The following ZNF471 variants were observed in gnomAD, a reference collection of about 807,000 sequenced individuals.
The protein encoded by ZNF471 is EZFIT-related protein 1.
Under a neutral mutation model 13.7 loss-of-function variants are expected in ZNF471, and 7 were observed. That is an observed-to-expected ratio of 0.51 (90% CI 0.29 to 0.96). The LOEUF (loss-of-function observed/expected upper bound fraction) is 0.96, where lower values mean the gene tolerates loss of function less well. ZNF471 is among the 40% of genes least tolerant of loss of function. The pLI, the probability that ZNF471 is intolerant of heterozygous loss-of-function variation, is 0.08. For missense variants in ZNF471, 663 were observed against 743.3 expected (o/e 0.89, Z 1.26); for synonymous variants, 218 against 235.6 (o/e 0.93, Z 0.68).
Position 56,525,303 on chromosome 19 carries a change from C to G in ZNF471, c.1236C>G (p.Phe412Leu). The stretch of plus-strand genomic sequence containing the variant: ...AATGTGGTGTGTGTGGAAAAACCTT[C>G]AGCTCGGGTTCATCCCGTACTGTAC... ...PYKCGVCGKT[F>L]SSGSSRTVHQ... Residue 412 changes from phenylalanine (F) to leucine (L), a missense_variant, in exon 5 of 5, where the codon TTC becomes TTG. Phe to Leu is a conservative substitution (Grantham distance 22). Transcript: ENST00000308031. 15 of 1,611,810 alleles carry G rather than the reference C, an allele frequency of 9.3e-6. No homozygotes were observed. The highest frequency in any genetic ancestry group is 1.1e-5 in the Non-Finnish European group (13 of 1,178,486).
rs559951060 is a variant in ZNF471, at chr19:56,525,698, A to C, written c.1631A>C (p.Glu544Ala). The C allele has an allele frequency of 1.4e-4, 226 of 1,613,860 alleles. No homozygotes were observed. The highest frequency in any genetic ancestry group is 1.8e-4 in the Non-Finnish European group (210 of 1,179,878). The change falls in exon 5 of 5, where the codon GAG (glutamate) becomes GCG (alanine). Residue 544 changes from glutamate (E) to alanine (A), a missense_variant. Transcript: ENST00000308031. ...QKTHTGEKPY[E>A]CNECGKAFSQ... is the part of the protein sequence containing the mutation. ...ACTCATACAGGAGAGAAACCTTATG[A>C]GTGTAATGAATGCGGGAAAGCCTTC...
In ZNF471 at chr19:56,526,198, G is replaced by C. The variant is rs1232649391; in HGVS notation, c.*250G>C. 2 of 407,362 alleles carry C rather than the reference G, an allele frequency of 4.9e-6. No individual in the cohort carries two copies. Among genetic ancestry groups the C allele is most frequent in the African/African-American group, 4.0e-5 (2 of 49,674 alleles). 25.2% of individuals were successfully genotyped at this position (407,362 alleles called of 1,614,324 possible). A position where few individuals can be genotyped will look rare whatever the true frequency, so the allele number is the denominator to read the frequency against. ...TCTCATTGGGACTGGTTAGACAGTG[G>C]GTGCAGCCCACGGAGGGTGAGCTGA... On this transcript the variant is annotated 3_prime_UTR_variant, in exon 5 of 5. Coordinates refer to ENST00000308031, the MANE Select transcript of ZNF471 (RefSeq NM_020813.4).
rs2043985178 is a variant in ZNF471 at position 56,522,347 on chromosome 19, C to G, written c.257-1977C>G. On this transcript the variant is annotated intron_variant, in intron 4 of 4. Coordinates refer to ENST00000308031, the MANE Select transcript of ZNF471 (RefSeq NM_020813.4). This position sits in a 1 kb window ranked among gnomAD's most constrained non-coding sequence, Gnocchi z 4.1. ...CTGCTCTAGTGGATTTGATCTCTCC[C>G]ATCTCTGAACTTTTATAACAATTTA... is the stretch of plus-strand genomic sequence containing the variant. Among the ~76,000 whole-genome samples the G allele has an allele frequency of 6.6e-6, 1 of 152,208 alleles. No individual in the cohort carries two copies. The highest frequency in any genetic ancestry group is 2.1e-4 in the South Asian group (1 of 4,830).
rs1356620564 is a variant in ZNF471 at position 56,522,422 on chromosome 19, T to A, written c.257-1902T>A. Among the ~76,000 whole-genome samples, 1 of 152,248 alleles carries A rather than the reference T, an allele frequency of 6.6e-6. No individual in the cohort carries two copies. Among genetic ancestry groups the A allele is most frequent in the African/African-American group, 2.4e-5 (1 of 41,464 alleles). On this transcript the variant is annotated intron_variant, in intron 4 of 4. Coordinates refer to ENST00000308031, the MANE Select transcript of ZNF471 (RefSeq NM_020813.4). The surrounding 1 kb of genome is among the most constrained non-coding windows in gnomAD (Gnocchi z 4.1). ...TTTTGTATTATCTTCTCAAAACTTT[T>A]TTTGTTGGTCTTGTCTTCCTAAATT...
rs1405355168 is a variant in ZNF471 at position 56,529,277 on chromosome 19, A to G, written c.*3329A>G. On this transcript the variant is annotated 3_prime_UTR_variant, in exon 5 of 5. Coordinates refer to ENST00000308031, the MANE Select transcript of ZNF471 (RefSeq NM_020813.4). Reference sequence around the variant, plus strand: ...TCGATGTATCATTGGGGGAGATTAAATGTCTTTGACAGTTGTCCAACTAGA... The same window carrying G: ...TCGATGTATCATTGGGGGAGATTAAGTGTCTTTGACAGTTGTCCAACTAGA... 6.6e-6 allele frequency: 1 copy of G among 152,192 alleles called. No individual in the cohort carries two copies. The highest frequency in any genetic ancestry group is 1.5e-5 in the Non-Finnish European group (1 of 68,038). The allele number at this position is 152,192 out of a possible 1,614,324, so 9.4% of individuals were successfully genotyped here. A position where few individuals can be genotyped will look rare whatever the true frequency, so the allele number is the denominator to read the frequency against.
At chr19:56,520,462 T>C (rs1275336909) in intron 4 of ZNF471, among the ~76,000 whole-genome samples, 1 of 152,198 alleles carries the variant, frequency 6.6e-6, no homozygotes, top group Admixed American at 6.5e-5. Flanking sequence ...CTTCAGTCTG[T>C]CTACGTAGGA....
rs1350639104 is a variant in ZNF471, at chr19:56,529,721, T to G, written c.*3773T>G. The G allele has an allele frequency of 6.6e-6, 1 of 152,222 alleles. No homozygotes were observed. The highest frequency in any genetic ancestry group is 1.5e-5 in the Non-Finnish European group (1 of 68,034). The allele number at this position is 152,222 out of a possible 1,614,324, so 9.4% of individuals were successfully genotyped here. A position where few individuals can be genotyped will look rare whatever the true frequency, so the allele number is the denominator to read the frequency against. The stretch of plus-strand genomic sequence containing the variant: ...TCAACCTCACTAATGATCAGATAAG[T>G]GCAGATTGTAAAAGTCCTCATCCCC... On this transcript the variant is annotated 3_prime_UTR_variant, in exon 5 of 5. Coordinates refer to ENST00000308031, the MANE Select transcript of ZNF471 (RefSeq NM_020813.4).
At position 56,507,918 on chromosome 19, in the gene ZNF471, G is replaced by T; in HGVS notation, c.-58G>T. On this transcript the variant is annotated splice_region_variant and 5_prime_UTR_variant, in exon 1 of 5. Transcript: ENST00000308031. ...AGCGTCTGGGTGCCAGACGAGGCCG[G>T]GGGTTTGTTTTGGGTGGTTTGGGAG... The T allele has an allele frequency of 1.0e-6, 1 of 985,656 alleles. No individual in the cohort carries two copies. The highest frequency in any genetic ancestry group is 4.7e-5 in the South Asian group (1 of 21,324). The allele number at this position is 985,656 out of a possible 1,614,324, so 61.1% of individuals were successfully genotyped here. A position where few individuals can be genotyped will look rare whatever the true frequency, so the allele number is the denominator to read the frequency against.
Position 56,530,211 on chromosome 19 carries a change from A to C in ZNF471, c.*4263A>C, listed in dbSNP as rs1191098326. ...TACATAAACTTTATAAAGCTTAAAA[A>C]ATGCATTCATAGTATCTTATTTGTT... On this transcript the variant is annotated 3_prime_UTR_variant, in exon 5 of 5. Coordinates refer to ENST00000308031, the MANE Select transcript of ZNF471 (RefSeq NM_020813.4). 1 of 148,644 alleles carries C rather than the reference A, an allele frequency of 6.7e-6. No homozygotes were observed. Among genetic ancestry groups the C allele is most frequent in the African/African-American group, 2.5e-5 (1 of 40,182 alleles). 9.2% of individuals were successfully genotyped at this position (148,644 alleles called of 1,614,324 possible).
In ZNF471 at chr19:56,526,044, A is replaced by C; in HGVS notation, c.*96A>C. On this transcript the variant is annotated 3_prime_UTR_variant, in exon 5 of 5. Coordinates refer to ENST00000308031, the MANE Select transcript of ZNF471 (RefSeq NM_020813.4). ...GATAAAAAACATATAAATGTAAGAAATGTAGAAAAACCTTCAGCCAGGAGG... is the reference window on the plus strand; with the variant it reads ...GATAAAAAACATATAAATGTAAGAACTGTAGAAAAACCTTCAGCCAGGAGG... The C allele has an allele frequency of 7.5e-7, 1 of 1,331,924 alleles. No individual in the cohort carries two copies. The highest frequency in any genetic ancestry group is 1.0e-6 in the Non-Finnish European group (1 of 987,524). The allele number at this position is 1,331,924 out of a possible 1,614,324, so 82.5% of individuals were successfully genotyped here.
intron 2 of ZNF471, among the ~76,000 whole-genome samples, chr19:56,514,539 A>G (rs913246316): frequency 6.6e-6 from 1 of 152,126 alleles, no homozygotes; most frequent in Non-Finnish European, 1.5e-5. Flanking sequence ...ATACTCAGTT[A>G]TTTTGTAGAA....
intron 4 of ZNF471, among the ~76,000 whole-genome samples, chr19:56,519,692 T>A (rs1458870221): frequency 6.6e-6 from 1 of 152,258 alleles, no homozygotes; most frequent in African/African-American, 2.4e-5. Flanking sequence ...ATCCTAAATT[T>A]CCCGTGTCCT....
chr19:56,521,692 T>C (rs953531481), intron 4 of ZNF471, among the ~76,000 whole-genome samples: 1 of 147,016 alleles, frequency 6.8e-6, no homozygotes, highest in Admixed American at 6.8e-5. Context: ...AGCTCACACC[T>C]ATAATCGCAG....
chr19:56,509,945 A>G lies in ZNF471; in HGVS notation c.-55-1572A>G, dbSNP rs533438794. The G allele has an allele frequency of 1.4e-4, 141 of 985,372 alleles. 1 individual carries two copies. The African/African-American group carries it at 2.4e-3, about 17-fold the overall frequency. The allele number at this position is 985,372 out of a possible 1,614,324, so 61.0% of individuals were successfully genotyped here. On this transcript the variant is annotated intron_variant, in intron 1 of 4. Transcript: ENST00000308031. Reference sequence around the variant, plus strand: ...CCTGTGTGAAAGATGAACAAGTATGAGGCTCCCTGGAGTCTGAGAAAGATC... The same window carrying G: ...CCTGTGTGAAAGATGAACAAGTATGGGGCTCCCTGGAGTCTGAGAAAGATC...
rs775495494 is a variant in ZNF471 at position 56,525,774 on chromosome 19, A to G, written c.1707A>G (p.Lys569=). 1 of 1,614,002 alleles carries G rather than the reference A, an allele frequency of 6.2e-7. No homozygotes were observed. The highest frequency in any genetic ancestry group is 8.5e-7 in the Non-Finnish European group (1 of 1,180,020). ...ATCAAAGAATTCATACTGGAGAGAAACCCTATAAATGTACTGAATGTGGAA... is the reference window on the plus strand; with the variant it reads ...ATCAAAGAATTCATACTGGAGAGAAGCCCTATAAATGTACTGAATGTGGAA... ...TQHQRIHTGE[K]PYKCTECGKA... is the part of the protein sequence containing the mutation. The change falls in exon 5 of 5, where the codon AAA becomes AAG. Residue 569 remains lysine (K), a synonymous_variant. Transcript: ENST00000308031.
chr19:56,511,404 T>C (rs2043809820), intron 1 of ZNF471, 113 bp from the exon 2 acceptor site: 1 of 769,668 alleles, frequency 1.3e-6, no homozygotes, highest in South Asian at 2.1e-5. Context: ...AGGTTGCTCA[T>C]ACCCAGTTAT....
chr19:56,522,756 G>A lies in ZNF471; in HGVS notation c.257-1568G>A, dbSNP rs1005686778. On this transcript the variant is annotated intron_variant, in intron 4 of 4. Transcript: ENST00000308031. This position sits in a 1 kb window ranked among gnomAD's most constrained non-coding sequence, Gnocchi z 4.1. The stretch of plus-strand genomic sequence containing the variant: ...TCTTTTTTTCTTTTTTTTTTTTTGA[G>A]ATGGAGTTTCATTCTTGTCACCCAG... 3.4e-5 allele frequency among the ~76,000 whole-genome samples: 5 copies of A among 146,828 alleles called. No individual in the cohort carries two copies. Among genetic ancestry groups the A allele is most frequent in the African/African-American group, 1.3e-4 (5 of 39,618 alleles).
Position 56,524,788 on chromosome 19 carries a change from A to G in ZNF471, c.721A>G (p.Lys241Glu). The G allele has an allele frequency of 6.2e-7, 1 of 1,613,342 alleles. No homozygotes were observed. Among genetic ancestry groups the G allele is most frequent in the Non-Finnish European group, 8.5e-7 (1 of 1,179,742 alleles). ...EKPYACEECG[K>E]AFKQRQHLAQ... is the part of the protein sequence containing the mutation. The stretch of plus-strand genomic sequence containing the variant: ...ACCATATGCATGTGAGGAATGTGGA[A>G]AAGCCTTCAAGCAAAGGCAACACCT... Residue 241 changes from lysine to glutamate, a missense_variant, in exon 5 of 5, where the codon AAA becomes GAA. Transcript: ENST00000308031. The surrounding 1 kb of genome is among the most constrained non-coding windows in gnomAD (Gnocchi z 4.8).
At chr19:56,518,598 G>T in intron 4 of ZNF471, 21 bp downstream of exon 4, 1 of 1,600,942 alleles carries the variant, frequency 6.2e-7, no homozygotes, top group East Asian at 2.2e-5. Flanking sequence ...AAGAACCAGA[G>T]AGGGGAATCT....
Sources: gnomAD v4.1 joint callset for allele counts (sites outside exome capture counted in the v4.1 genomes callset) on GRCh38, gnomAD v4.1.1 for gene constraint, Gnocchi (gnomAD v3.1) non-coding constraint, MANE v1.5 for transcripts, NCBI Gene and HGNC (gene_info 2026-07-23, HGNC 2026-07-21) for gene names.